DLGAP2: variants seen among roughly 807,000 people sequenced by gnomAD.
DLGAP2 encodes disks large-associated protein 2.
DLGAP2 carries 26 observed loss-of-function variants against 100.3 expected under a neutral mutation model. That is an observed-to-expected ratio of 0.26 (90% CI 0.19 to 0.36). DLGAP2 has a LOEUF of 0.36. Ranked by LOEUF, DLGAP2 falls within the 10% of genes least tolerant of loss-of-function variation. DLGAP2 has a pLI of 1.00. For synonymous variants in DLGAP2, 886 were observed against 630.1 expected, an observed-to-expected ratio of 1.41 and a Z score of -6.08; for missense variants, 1,858 against 1,453.2, an observed-to-expected ratio of 1.28 and a Z score of -4.53.
intron 2 of DLGAP2, among the ~76,000 whole-genome samples, chr8:1,095,083 G>A (rs1385761891): frequency 4.3e-5 from 6 of 141,028 alleles, no homozygotes; most frequent in South Asian, 4.8e-4. Flanking sequence ...AGGGTGGAGT[G>A]AGACAGCCTG....
At position 1,361,371 on chromosome 8, in the gene DLGAP2, A is replaced by G. The variant is rs138802194; in HGVS notation, c.106+102488A>G. Among the ~76,000 whole-genome samples the G allele has an allele frequency of 5.5e-3, 845 of 152,298 alleles. 11 individuals are homozygous for G. Among genetic ancestry groups the G allele is most frequent in the African/African-American group, 0.019 (806 of 41,544 alleles). ...TTCAGATGCTATTTATAGGACTTGG[A>G]TTTATCTTTCTTAGTGCTTTATACA... On this transcript the variant is annotated intron_variant, in intron 3 of 14. Coordinates refer to ENST00000637795, the MANE Select transcript of DLGAP2 (RefSeq NM_001346810.2).
chr8:1,282,610 G>GCCC (rs1799839723), intron 3 of DLGAP2, among the ~76,000 whole-genome samples: 1 of 102,552 alleles, frequency 9.8e-6, no homozygotes. Flanking sequence ...AACCCAGCAC[G>GCCC]TGAACCATCC....
chr8:984,360 A>T (rs1023567683), intron 2 of DLGAP2, among the ~76,000 whole-genome samples: 1 of 152,150 alleles, frequency 6.6e-6, no homozygotes, highest in African/African-American at 2.4e-5. Flanking sequence ...CTCAGTCCAT[A>T]AAAAAACTTC....
chr8:987,272 A>C (rs1800515399), intron 2 of DLGAP2, among the ~76,000 whole-genome samples: 2 of 151,940 alleles, frequency 1.3e-5, no homozygotes, highest in African/African-American at 2.4e-5. Flanking sequence ...ACCATGTCTG[A>C]GATGGTGAGC....
intron 1 of DLGAP2, among the ~76,000 whole-genome samples, chr8:903,428 T>A (rs1122425): frequency 0.12 from 17,787 of 152,110 alleles, 1,460 homozygotes; most frequent in Admixed American, 0.26. Context: ...CAAGGCCGTG[T>A]CCATAAAATC....
At chr8:1,417,725 A>AGGGGGGCACGGGGG (rs1452006281) in intron 3 of DLGAP2, among the ~76,000 whole-genome samples, 1 of 144,356 alleles carries the variant, frequency 6.9e-6, no homozygotes, top group African/African-American at 2.8e-5. Flanking sequence ...GCGAGGCTCC[A>AGGGGGGCACGGGGG]GACACAGAAG....
chr8:1,052,482 A>G (rs773457372), intron 2 of DLGAP2, among the ~76,000 whole-genome samples: 2 of 152,136 alleles, frequency 1.3e-5, no homozygotes, highest in Non-Finnish European at 2.9e-5. Flanking sequence ...GGCAGTGGGG[A>G]GAGGAGGGAG....
At chr8:1,272,134 C>A (rs1799596206) in intron 3 of DLGAP2, among the ~76,000 whole-genome samples, 1 of 152,156 alleles carries the variant, frequency 6.6e-6, no homozygotes, top group Non-Finnish European at 1.5e-5. Context: ...TTTCATTATT[C>A]TCCGTTTTCT....
At chr8:958,395 C>T (rs141296255) in intron 2 of DLGAP2, among the ~76,000 whole-genome samples, 6 of 152,184 alleles carry the variant, frequency 3.9e-5, no homozygotes, top group South Asian at 2.1e-4. Context: ...TCTTCCCCTC[C>T]GTTGCTCATC....
rs769190704 is a variant in DLGAP2, at chr8:1,549,246, GACC to G, written c.802_804del (p.His268del). 6.2e-7 allele frequency: 1 copy of G among 1,608,482 alleles called. No homozygotes were observed. The highest frequency in any genetic ancestry group is 1.1e-5 in the South Asian group (1 of 90,740). On this transcript the variant is annotated inframe_deletion, in exon 5 of 15. Transcript: ENST00000637795. Reference sequence around the variant, plus strand: ...CACCAAGGCGGACGGCCGGGCGGACGACCACCACCACGCCCACCACGCCAAGCA... The same window carrying G: ...CACCAAGGCGGACGGCCGGGCGGACGACCACCACGCCCACCACGCCAAGCA...
chr8:1,481,193 A>T lies in DLGAP2; in HGVS notation c.107-20173A>T, dbSNP rs189223875. On this transcript the variant is annotated intron_variant, in intron 3 of 14. Coordinates refer to ENST00000637795, the MANE Select transcript of DLGAP2 (RefSeq NM_001346810.2). ...TCTCAAAAAATAAAAAAAAAATTTT[A>T]AAAACCATCAAAAATGAAAGAAGGT... is the stretch of plus-strand genomic sequence containing the variant. Among the ~76,000 whole-genome samples, 1,088 of 152,144 alleles carry T rather than the reference A, an allele frequency of 7.2e-3. 8 individuals are homozygous for T. The highest frequency in any genetic ancestry group is 0.012 in the Non-Finnish European group (789 of 68,008).
chr8:1,571,919 CTG>C (rs1802714585), intron 6 of DLGAP2, among the ~76,000 whole-genome samples: 1 of 124,682 alleles, frequency 8.0e-6, no homozygotes, highest in Non-Finnish European at 1.6e-5. Context: ...AGAGGGTAAA[CTG>C]TGGGGGCGTC....
intron 1 of DLGAP2, among the ~76,000 whole-genome samples, chr8:814,475 T>C (rs1259827263): frequency 1.3e-5 from 2 of 152,188 alleles, no homozygotes; most frequent in Non-Finnish European, 2.9e-5. Context: ...TGAGGATGTA[T>C]TACTAGTAAG....
chr8:1,103,390 G>A (rs945480041), intron 2 of DLGAP2, among the ~76,000 whole-genome samples: 3 of 152,074 alleles, frequency 2.0e-5, no homozygotes, highest in Non-Finnish European at 4.4e-5. Flanking sequence ...TAACGGTGAC[G>A]ACTGGCAGGG....
intron 2 of DLGAP2, among the ~76,000 whole-genome samples, chr8:1,184,522 A>G (rs59110602): frequency 0.12 from 18,294 of 152,220 alleles, 2,174 homozygotes; most frequent in African/African-American, 0.31. Flanking sequence ...TTCTCAGGGC[A>G]GTTGGAGGGA....
chr8:1,574,121 A>G (rs966161705), intron 6 of DLGAP2, among the ~76,000 whole-genome samples: 9 of 152,296 alleles, frequency 5.9e-5, no homozygotes, highest in African/African-American at 1.2e-4. Flanking sequence ...CCAAGTTCCC[A>G]AAGACAGCAT....
At chr8:809,497 T>C (rs1563043166) in intron 1 of DLGAP2, among the ~76,000 whole-genome samples, 2 of 151,564 alleles carry the variant, frequency 1.3e-5, no homozygotes, top group Non-Finnish European at 2.9e-5. Flanking sequence ...CAGCCTGATA[T>C]CTTAGGCACT....
At chr8:900,574 C>G (rs934001081) in intron 1 of DLGAP2, among the ~76,000 whole-genome samples, 1 of 152,170 alleles carries the variant, frequency 6.6e-6, no homozygotes, top group Non-Finnish European at 1.5e-5. Context: ...TACCTTGTTC[C>G]CCATCAGAAT....
At chr8:1,466,879 T>C (rs1288272198) in intron 3 of DLGAP2, among the ~76,000 whole-genome samples, 1 of 152,170 alleles carries the variant, frequency 6.6e-6, no homozygotes, top group Non-Finnish European at 1.5e-5. Flanking sequence ...TTTCTACTTT[T>C]TCTTTTTTTT....
Sources: allele counts gnomAD v4.1 joint callset (sites outside exome capture counted in the v4.1 genomes callset), GRCh38; gene constraint gnomAD v4.1.1; transcripts MANE v1.5; gene names NCBI Gene and HGNC (gene_info 2026-07-23, HGNC 2026-07-21).